Variants in FAF2 observed in about 807,000 individuals in gnomAD.
FAF2 encodes the protein FAS-associated factor 2.
In FAF2, 9 loss-of-function variants were observed where a neutral mutation model predicts 62.3. That is an observed-to-expected ratio of 0.14 (90% CI 0.09 to 0.25). The LOEUF is 0.25. Ranked by LOEUF, FAF2 falls within the 10% of genes least tolerant of loss-of-function variation. The probability of loss-of-function intolerance (pLI) is 1.00; values close to 1 mark genes in which losing one functional copy is unlikely to be tolerated. For synonymous variants in FAF2, 202 were observed against 198.0 expected (o/e 1.02, Z -0.17); for missense variants, 368 against 556.2 (o/e 0.66, Z 3.40).
intron 1 of FAF2, among the ~76,000 whole-genome samples, chr5:176,463,823 G>C (rs1054611909): frequency 1.3e-5 from 2 of 150,502 alleles, no homozygotes; most frequent in African/African-American, 4.9e-5. Flanking sequence ...TCCGCCTCCC[G>C]GGTTTGAGTG....
chr5:176,461,018 C>CT (rs70991553), intron 1 of FAF2, among the ~76,000 whole-genome samples: 6 of 146,194 alleles, frequency 4.1e-5, no homozygotes, highest in Non-Finnish European at 4.5e-5. Flanking sequence ...TTTTTCTTCT[C>CT]TTTTTTTTTT....
At chr5:176,482,841 G>GT (rs907568261) in intron 2 of FAF2, among the ~76,000 whole-genome samples, 8 of 151,960 alleles carry the variant, frequency 5.3e-5, no homozygotes, top group Admixed American at 1.3e-4. Context: ...ATTTGCAAAT[G>GT]TTTTCTCCCT....
chr5:176,479,697 C>T (rs544531753), intron 2 of FAF2, among the ~76,000 whole-genome samples: 1 of 152,066 alleles, frequency 6.6e-6, no homozygotes, highest in East Asian at 1.9e-4. Flanking sequence ...ACTATAATGC[C>T]TCTGATTTTT....
chr5:176,451,817 T>C (rs1481107993), intron 1 of FAF2, among the ~76,000 whole-genome samples: 338 of 7,646 alleles, frequency 0.044, 31 homozygotes, highest in African/African-American at 0.087. Context: ...TATACACACA[T>C]ATATATATAT....
At chr5:176,492,064 C>T (rs750005676) in intron 4 of FAF2, 130 bp from the exon 5 acceptor site, 2 of 956,676 alleles carry the variant, frequency 2.1e-6, no homozygotes, top group Non-Finnish European at 3.3e-6. Context: ...TTTGATGGTC[C>T]ACTCACAGAC....
In FAF2 at chr5:176,498,909, C is replaced by T. The variant is rs777035793; in HGVS notation, c.840-5C>T. ...TTTCTTCTCTTGCTTTTGATCTATT[C>T]ACAGGGAAGAAAGAAACCAGACCCA... On this transcript the variant is annotated splice_polypyrimidine_tract_variant and splice_region_variant and intron_variant, in intron 8 of 10. Coordinates refer to ENST00000261942, the MANE Select transcript of FAF2 (RefSeq NM_014613.3). 3 of 1,584,508 alleles carry T rather than the reference C, an allele frequency of 1.9e-6. No individual in the cohort carries two copies. Among genetic ancestry groups the T allele is most frequent in the Non-Finnish European group, 2.6e-6 (3 of 1,165,976 alleles).
intron 1 of FAF2, among the ~76,000 whole-genome samples, chr5:176,474,924 G>A (rs746372936): frequency 2.0e-5 from 3 of 152,148 alleles, no homozygotes; most frequent in Non-Finnish European, 2.9e-5. Flanking sequence ...GAATAATCCT[G>A]TCCCAGGTGT....
intron 3 of FAF2, among the ~76,000 whole-genome samples, chr5:176,488,138 C>T (rs1477733444): frequency 1.3e-5 from 2 of 151,934 alleles, no homozygotes; most frequent in African/African-American, 4.8e-5. Flanking sequence ...CCACCACACC[C>T]AGCTAATTTT....
At chr5:176,479,940 C>T (rs1225460736) in intron 2 of FAF2, among the ~76,000 whole-genome samples, 1 of 152,140 alleles carries the variant, frequency 6.6e-6, no homozygotes, top group Non-Finnish European at 1.5e-5. Context: ...GATGATCCGC[C>T]CCGCTCAGCC....
At chr5:176,491,954 G>T (rs879171258) in intron 4 of FAF2, among the ~76,000 whole-genome samples, 1 of 152,148 alleles carries the variant, frequency 6.6e-6, no homozygotes, top group South Asian at 2.1e-4. Context: ...ATGTAGGCCA[G>T]TGTTGGAATT....
rs1758751128 is a variant in FAF2, at chr5:176,479,250, C to T, written c.126C>T (p.Asn42=). ...ATACCTTGGAACAGCATAACTGGAA[C>T]ATAGAGGTATAATAGGATGTGTTCT... ...CRHTLEQHNW[N]IEAAVQDRLN... Residue 42 remains asparagine (N), a synonymous_variant, in exon 2 of 11, where the codon AAC becomes AAT. Coordinates refer to ENST00000261942, the MANE Select transcript of FAF2 (RefSeq NM_014613.3). 2 of 1,611,864 alleles carry T rather than the reference C, an allele frequency of 1.2e-6. No individual in the cohort carries two copies. The highest frequency in any genetic ancestry group is 8.5e-7 in the Non-Finnish European group (1 of 1,178,070).
Position 176,492,514 on chromosome 5 carries a change from G to T in FAF2, c.483+182G>T, listed in dbSNP as rs77977011. Among the ~76,000 whole-genome samples, 76 of 152,290 alleles carry T rather than the reference G, an allele frequency of 5.0e-4. No homozygotes were observed. The East Asian group carries it at 0.011, about 22-fold the overall frequency. ...TTAGCTGGCCCCTCTTTGATCTAATGCTGCCCTTCTTTTGAGGTCTTTTCT... is the reference window on the plus strand; with the variant it reads ...TTAGCTGGCCCCTCTTTGATCTAATTCTGCCCTTCTTTTGAGGTCTTTTCT... On this transcript the variant is annotated intron_variant, in intron 5 of 10. Transcript: ENST00000261942.
At chr5:176,484,817 G>A (rs996874032) in intron 2 of FAF2, among the ~76,000 whole-genome samples, 1 of 151,914 alleles carries the variant, frequency 6.6e-6, no homozygotes, top group Non-Finnish European at 1.5e-5. Flanking sequence ...CTTGAACCTG[G>A]GGGCGCGGAG....
At chr5:176,466,487 T>G (rs771091389) in intron 1 of FAF2, among the ~76,000 whole-genome samples, 1 of 152,188 alleles carries the variant, frequency 6.6e-6, no homozygotes, top group Non-Finnish European at 1.5e-5. Flanking sequence ...TATAAACAGA[T>G]GAGATATGGA....
rs1755715240 is a variant in FAF2 at position 176,508,081 on chromosome 5, G to A, written c.*1131G>A. ...GATAGAACCAGAGGCCTTGAAGGGAGCCAAGACAGAACTCCCAGCCTGTGT... is the reference window on the plus strand; with the variant it reads ...GATAGAACCAGAGGCCTTGAAGGGAACCAAGACAGAACTCCCAGCCTGTGT... On this transcript the variant is annotated 3_prime_UTR_variant, in exon 11 of 11. Coordinates refer to ENST00000261942, the MANE Select transcript of FAF2 (RefSeq NM_014613.3). 1 of 152,620 alleles carries A rather than the reference G, an allele frequency of 6.6e-6. No homozygotes were observed. Among genetic ancestry groups the A allele is most frequent in the Non-Finnish European group, 1.5e-5 (1 of 68,034 alleles). 9.5% of individuals were successfully genotyped at this position (152,620 alleles called of 1,614,324 possible). A position where few individuals can be genotyped will look rare whatever the true frequency, so the allele number is the denominator to read the frequency against.
At chr5:176,464,114 T>C (rs753985220) in intron 1 of FAF2, among the ~76,000 whole-genome samples, 1 of 152,104 alleles carries the variant, frequency 6.6e-6, no homozygotes, top group South Asian at 2.1e-4. Context: ...CTTCCACTTA[T>C]TCTTTTTTTT....
intron 2 of FAF2, among the ~76,000 whole-genome samples, chr5:176,483,770 A>C (rs780273135): frequency 6.6e-6 from 1 of 152,208 alleles, no homozygotes; most frequent in South Asian, 2.1e-4. Context: ...AAGCAGCTAA[A>C]GGAAGAGACA....
chr5:176,470,458 T>C (rs565206966), intron 1 of FAF2, among the ~76,000 whole-genome samples: 1 of 152,376 alleles, frequency 6.6e-6, no homozygotes, highest in African/African-American at 2.4e-5. Context: ...ATGCCTGTAA[T>C]GCCAGCTACG....
rs1209852869 is a variant in FAF2, at chr5:176,494,441, T to TG, written c.661+172dup. ...TAATCCTCTCAGCAGTCCTGAGAGATGGGGGGTCATATTACCTTTGCTTTA... is the reference window on the plus strand; with the variant it reads ...TAATCCTCTCAGCAGTCCTGAGAGATGGGGGGGTCATATTACCTTTGCTTTA... On this transcript the variant is annotated intron_variant, in intron 7 of 10. Transcript: ENST00000261942. This position sits in a 1 kb window ranked among gnomAD's most constrained non-coding sequence, Gnocchi z 4.0. Among the ~76,000 whole-genome samples, 2 of 152,304 alleles carry TG rather than the reference T, an allele frequency of 1.3e-5. No homozygotes were observed. The highest frequency in any genetic ancestry group is 6.5e-5 in the Admixed American group (1 of 15,290).
Sources: gnomAD v4.1 joint callset for allele counts (sites outside exome capture counted in the v4.1 genomes callset) on GRCh38, gnomAD v4.1.1 for gene constraint, Gnocchi (gnomAD v3.1) non-coding constraint, MANE v1.5 for transcripts, NCBI Gene and HGNC (gene_info 2026-07-23, HGNC 2026-07-21) for gene names.